The following ASB3 variants were observed in gnomAD, a reference collection of about 807,000 sequenced individuals.
ASB3 encodes ankyrin repeat and SOCS box containing 3.
Under a neutral mutation model 54.5 loss-of-function variants are expected in ASB3, and 41 were observed. That is an observed-to-expected ratio of 0.75 (90% confidence interval 0.59 to 0.98). The LOEUF (loss-of-function observed/expected upper bound fraction) is 0.98. ASB3 is among the 50% of genes least tolerant of loss of function. ASB3 has a pLI of 0.00. For missense variants in ASB3, 733 were observed against 620.0 expected (o/e 1.18, Z -1.94); for synonymous variants, 266 against 221.2 (o/e 1.20, Z -1.80).
At chr2:53,742,709 AT>A (rs1672002470) in intron 3 of ASB3, among the ~76,000 whole-genome samples, 2 of 150,326 alleles carry the variant, frequency 1.3e-5, no homozygotes, top group Non-Finnish European at 1.5e-5. Flanking sequence ...CAGAATAGAC[AT>A]TTCTGAAGAG....
chr2:53,735,919 AC>A (rs1287006971), intron 3 of ASB3, among the ~76,000 whole-genome samples: 2 of 149,942 alleles, frequency 1.3e-5, no homozygotes, highest in Non-Finnish European at 3.0e-5. Flanking sequence ...AAAAATCTTC[AC>A]CCCTGTCCCA....
intron 2 of ASB3, among the ~76,000 whole-genome samples, chr2:53,759,494 G>C (rs573779339): frequency 3.3e-5 from 5 of 152,122 alleles, no homozygotes; most frequent in Admixed American, 3.3e-4. Flanking sequence ...TAGGCCCGGA[G>C]CAAAACTTAG....
chr2:53,767,801 G>C (rs1451283155), intron 1 of ASB3: 14 of 1,512,982 alleles, frequency 9.3e-6, no homozygotes, highest in Admixed American at 6.3e-5. Flanking sequence ...CGCGCGGCCG[G>C]TTACTCGCTT....
intron 5 of ASB3, among the ~76,000 whole-genome samples, chr2:53,722,611 C>T (rs1670771848): frequency 6.6e-6 from 1 of 152,080 alleles, no homozygotes; most frequent in African/African-American, 2.4e-5. Flanking sequence ...GAAAAGCCTT[C>T]ATAAAACCCA....
chr2:53,738,983 G>C (rs1006502902), intron 3 of ASB3, among the ~76,000 whole-genome samples: 1 of 152,176 alleles, frequency 6.6e-6, no homozygotes, highest in Non-Finnish European at 1.5e-5. Flanking sequence ...AGAAAAGCCA[G>C]AACCTCTGAG....
At chr2:53,763,684 A>C (rs1006126131) in intron 2 of ASB3, 2 of 168,948 alleles carry the variant, frequency 1.2e-5, no homozygotes, top group Non-Finnish European at 2.9e-5. Flanking sequence ...AGATGAAAAA[A>C]ATCTGTAACA....
At chr2:53,715,244 C>G (rs1274912399) in intron 6 of ASB3, among the ~76,000 whole-genome samples, 13 of 152,042 alleles carry the variant, frequency 8.6e-5, no homozygotes, top group Non-Finnish European at 1.9e-4. Context: ...TTACCTCTAG[C>G]AGTCAACTGG....
At chr2:53,675,163 T>C (rs1395298304) in intron 9 of ASB3, among the ~76,000 whole-genome samples, 1 of 152,158 alleles carries the variant, frequency 6.6e-6, no homozygotes, top group Non-Finnish European at 1.5e-5. Flanking sequence ...TTGGAACACA[T>C]TTGCAAAAGC....
chr2:53,712,782 G>A (rs1028603758), intron 7 of ASB3, among the ~76,000 whole-genome samples: 10 of 152,024 alleles, frequency 6.6e-5, no homozygotes, highest in Non-Finnish European at 1.0e-4. Context: ...GCGCGCGCGC[G>A]CGCAATCCAA....
chr2:53,774,494 T>C (rs762014462), intron 1 of ASB3: 2 of 1,569,168 alleles, frequency 1.3e-6, no homozygotes, highest in Non-Finnish European at 1.7e-6. Flanking sequence ...AAGGAACGTT[T>C]AGAAGGGAAA....
intron 3 of ASB3, among the ~76,000 whole-genome samples, chr2:53,731,276 C>T (rs1374572197): frequency 6.6e-6 from 1 of 152,102 alleles, no homozygotes; most frequent in East Asian, 1.9e-4. Flanking sequence ...GTGGCACGCA[C>T]CTGTAATCCT....
Position 53,743,653 on chromosome 2 carries a change from G to A in ASB3, c.355+7130C>T, listed in dbSNP as rs1273644934. On this transcript the variant is annotated intron_variant, in intron 3 of 9. Coordinates refer to ENST00000263634, the MANE Select transcript of ASB3 (RefSeq NM_016115.5). ...GGAGGTTTAAATCTATTAATCAAAT[G>A]TGACTAATAAAATAACACATTATAT... is the stretch of plus-strand genomic sequence containing the variant. Among the ~76,000 whole-genome samples the A allele has an allele frequency of 3.9e-5, 6 of 152,186 alleles. No individual in the cohort carries two copies. The South Asian group carries it at 1.2e-3, about 32-fold the overall frequency.
chr2:53,686,846 C>T (rs914734016), intron 9 of ASB3, among the ~76,000 whole-genome samples: 9 of 152,214 alleles, frequency 5.9e-5, no homozygotes, highest in East Asian at 3.9e-4. Flanking sequence ...CTCAGCCTCC[C>T]GAGTAGCTGG....
At chr2:53,741,801 T>C (rs760549735) in intron 3 of ASB3, among the ~76,000 whole-genome samples, 6 of 152,084 alleles carry the variant, frequency 3.9e-5, no homozygotes, top group Non-Finnish European at 7.4e-5. Flanking sequence ...TAATCCAACA[T>C]CAGCAAGAAA....
At chr2:53,768,234 G>A (rs1181635876) in intron 1 of ASB3, 11 of 562,898 alleles carry the variant, frequency 2.0e-5, no homozygotes, top group Non-Finnish European at 3.3e-5. Context: ...TAAGATGCCG[G>A]TGGTTAGTCT....
intron 5 of ASB3, among the ~76,000 whole-genome samples, chr2:53,725,280 A>G (rs1226742062): frequency 6.6e-6 from 1 of 152,208 alleles, no homozygotes; most frequent in Non-Finnish European, 1.5e-5. Flanking sequence ...ACTGGGGACT[A>G]ATAGAGAGGG....
intron 3 of ASB3, among the ~76,000 whole-genome samples, chr2:53,733,957 A>G (rs1671471257): frequency 6.6e-6 from 1 of 152,268 alleles, no homozygotes; most frequent in Admixed American, 6.5e-5. Context: ...GGGCGGAAAT[A>G]AAGGGATGGG....
At chr2:53,690,232 T>TC (rs745781983) in intron 9 of ASB3, among the ~76,000 whole-genome samples, 23 of 151,198 alleles carry the variant, frequency 1.5e-4, no homozygotes, top group East Asian at 9.7e-4. Flanking sequence ...CAAGACCCTG[T>TC]CCCCCCAAAT....
At chr2:53,720,979 C>A (rs2103866676) in intron 5 of ASB3, among the ~76,000 whole-genome samples, 1 of 151,646 alleles carries the variant, frequency 6.6e-6, no homozygotes, top group Non-Finnish European at 1.5e-5. Context: ...ATTAGCTGGC[C>A]ACAGGGGTGC....
Sources: allele counts gnomAD v4.1 joint callset (sites outside exome capture counted in the v4.1 genomes callset), GRCh38; gene constraint gnomAD v4.1.1; transcripts MANE v1.5; gene names NCBI Gene and HGNC (gene_info 2026-07-23, HGNC 2026-07-21).